STPG2: variants seen among roughly 807,000 people sequenced by gnomAD.
STPG2 encodes sperm tail PG-rich repeat containing 2.
A neutral mutation model predicts 54.2 loss-of-function variants in STPG2; 56 were observed. The observed-to-expected ratio is 1.03, with a 90% CI of 0.83 to 1.29. The LOEUF is 1.29. Among genes scored for constraint, STPG2 ranks in the 50% most tolerant of loss-of-function variants. STPG2 has a pLI of 0.00. For synonymous variants in STPG2, 200 were observed against 181.8 expected (o/e 1.10, Z -0.81); for missense variants, 596 against 544.9 (o/e 1.09, Z -0.93).
At chr4:97,776,038 A>G (rs539478475) in intron 9 of STPG2, among the ~76,000 whole-genome samples, 23 of 152,330 alleles carry the variant, frequency 1.5e-4, no homozygotes, top group African/African-American at 5.1e-4. Flanking sequence ...CTGGGATTAC[A>G]TGCATGAGCT....
chr4:97,779,920 T>G (rs1218832304), intron 9 of STPG2, among the ~76,000 whole-genome samples: 2 of 151,620 alleles, frequency 1.3e-5, no homozygotes, highest in African/African-American at 4.9e-5. Flanking sequence ...CTAAAAGAGC[T>G]CCTGAAAGAA....
intron 9 of STPG2, 43 bp from the exon 10 acceptor site, chr4:97,712,857 A>T (rs1724169376): frequency 1.4e-6 from 2 of 1,383,992 alleles, no homozygotes; most frequent in South Asian, 1.3e-5. Flanking sequence ...AGTATATTTT[A>T]AAATTATTGA....
At position 98,130,952 on chromosome 4, in the gene STPG2, G is replaced by GAAAAA. The variant is rs1242260121; in HGVS notation, c.223-2361_223-2360insTTTTT. 6.8e-4 allele frequency among the ~76,000 whole-genome samples: 56 copies of GAAAAA among 81,928 alleles called. 2 individuals are homozygous for GAAAAA. Among genetic ancestry groups the GAAAAA allele is most frequent in the East Asian group, 1.8e-3 (6 of 3,318 alleles). 53.7% of individuals were successfully genotyped at this position (81,928 alleles called of 152,430 possible). The stretch of plus-strand genomic sequence containing the variant: ...AAAAAAAAAAAAACAAAAAAAAAAC[G>GAAAAA]ACTTTCCAAAATATAGCCCCTACCT... On this transcript the variant is annotated intron_variant, in intron 2 of 10. Coordinates refer to ENST00000295268, the MANE Select transcript of STPG2 (RefSeq NM_174952.3).
chr4:97,792,350 TTTAA>T (rs1727029063), intron 9 of STPG2, among the ~76,000 whole-genome samples: 1 of 152,158 alleles, frequency 6.6e-6, no homozygotes, highest in Non-Finnish European at 1.5e-5. Flanking sequence ...ACACTAAAAC[TTTAA>T]TTAATCCTTG....
At chr4:97,973,819 G>A (rs1275310351) in intron 6 of STPG2, among the ~76,000 whole-genome samples, 1 of 152,222 alleles carries the variant, frequency 6.6e-6, no homozygotes, top group Non-Finnish European at 1.5e-5. Flanking sequence ...TGTTCAGGCA[G>A]AAGTTTGCTG....
chr4:97,897,872 G>C (rs766256848), intron 8 of STPG2, among the ~76,000 whole-genome samples: 1 of 152,144 alleles, frequency 6.6e-6, no homozygotes, highest in Non-Finnish European at 1.5e-5. Flanking sequence ...TCACTCTGTT[G>C]ATAGCCTCCT....
At chr4:97,453,003 G>A (rs1729416269) in intron 4 of STPG2, among the ~76,000 whole-genome samples, 4 of 152,204 alleles carry the variant, frequency 2.6e-5, no homozygotes. Flanking sequence ...CCACCGAATG[G>A]TGGAGTTAAA....
chr4:97,777,143 T>C (rs1726403642), intron 9 of STPG2, among the ~76,000 whole-genome samples: 1 of 152,196 alleles, frequency 6.6e-6, no homozygotes, highest in Non-Finnish European at 1.5e-5. Flanking sequence ...ATGCACTTCG[T>C]ACTGAAAAAT....
intron 5 of STPG2, among the ~76,000 whole-genome samples, chr4:98,022,630 T>C (rs1736257928): frequency 6.6e-6 from 1 of 152,122 alleles, no homozygotes; most frequent in Admixed American, 6.5e-5. Context: ...CTTGGTTCCA[T>C]TTTCCCCATC....
intron 8 of STPG2, among the ~76,000 whole-genome samples, chr4:97,841,766 A>C (rs1220466076): frequency 6.6e-6 from 1 of 151,814 alleles, no homozygotes; most frequent in East Asian, 1.9e-4. Flanking sequence ...GACCTTAAGC[A>C]AGCCACTTAC....
intron 9 of STPG2, among the ~76,000 whole-genome samples, chr4:97,830,194 G>T (rs1400789100): frequency 6.6e-6 from 1 of 152,172 alleles, no homozygotes; most frequent in Non-Finnish European, 1.5e-5. Context: ...AACCCTACAA[G>T]CAAGAAGAGA....
chr4:98,043,039 T>C (rs896582303), intron 5 of STPG2, among the ~76,000 whole-genome samples: 5 of 152,084 alleles, frequency 3.3e-5, no homozygotes, highest in African/African-American at 1.2e-4. Flanking sequence ...TATATTACAA[T>C]GGTTATATCT....
chr4:97,901,912 T>A (rs1233313971), intron 8 of STPG2, among the ~76,000 whole-genome samples: 1 of 151,936 alleles, frequency 6.6e-6, no homozygotes, highest in African/African-American at 2.4e-5. Context: ...TTCAAATATA[T>A]TATAAAGCTA....
At chr4:98,061,522 C>T (rs1413406904) in intron 5 of STPG2, among the ~76,000 whole-genome samples, 1 of 152,066 alleles carries the variant, frequency 6.6e-6, no homozygotes, top group Non-Finnish European at 1.5e-5. Flanking sequence ...AGGTCTCTCC[C>T]CTAACATTGG....
At chr4:97,797,017 T>C (rs1179270138) in intron 9 of STPG2, among the ~76,000 whole-genome samples, 1 of 152,204 alleles carries the variant, frequency 6.6e-6, no homozygotes, top group Non-Finnish European at 1.5e-5. Context: ...AGAATGCTTG[T>C]GATTTTTGCA....
intron 10 of STPG2, among the ~76,000 whole-genome samples, chr4:97,580,524 C>T (rs950913874): frequency 7.0e-6 from 1 of 142,280 alleles, no homozygotes; most frequent in African/African-American, 3.0e-5. Flanking sequence ...TTCACCCTCT[C>T]TGTCTCTCTG....
intron 5 of STPG2, among the ~76,000 whole-genome samples, chr4:98,001,281 AATAGCTTGT>A (rs1438956484): frequency 6.6e-6 from 1 of 151,846 alleles, no homozygotes; most frequent in Admixed American, 6.6e-5. Context: ...AATCTATACA[AATAGCTTGT>A]ATAGGTTTCC....
At chr4:97,989,362 ATCCAGAAGGGATAGGTTCCAAG>A (rs1304511528) in intron 5 of STPG2, among the ~76,000 whole-genome samples, 4 of 152,200 alleles carry the variant, frequency 2.6e-5, no homozygotes, top group African/African-American at 9.7e-5. Context: ...CTCCTTCCTT[ATCCAGAAGGGATAGGTTCCAAG>A]TCTCCCAGTG....
intron 9 of STPG2, among the ~76,000 whole-genome samples, chr4:97,735,518 C>T (rs533524258): frequency 4.9e-4 from 73 of 149,266 alleles, no homozygotes; most frequent in East Asian, 3.8e-3. Flanking sequence ...ATCCCTGTAA[C>T]GAAAAGGGAG....
Sources: gnomAD v4.1 joint callset for allele counts (sites outside exome capture counted in the v4.1 genomes callset) on GRCh38, gnomAD v4.1.1 for gene constraint, MANE v1.5 for transcripts, NCBI Gene and HGNC (gene_info 2026-07-23, HGNC 2026-07-21) for gene names.